The following NPAS3 variants were observed in gnomAD, a reference collection of about 807,000 sequenced individuals.
The protein encoded by NPAS3 is neuronal PAS domain-containing protein 3.
A neutral mutation model predicts 73.1 loss-of-function variants in NPAS3; 14 were observed. That is an observed-to-expected ratio of 0.19 (90% CI 0.13 to 0.30). NPAS3 has a LOEUF of 0.30. NPAS3 is among the 10% of genes least tolerant of loss of function. The pLI is 1.00. For synonymous variants in NPAS3, 620 were observed against 541.5 expected, an observed-to-expected ratio of 1.14 and a Z score of -2.01; for missense variants, 1,096 against 1,250.0, an observed-to-expected ratio of 0.88 and a Z score of 1.86.
At chr14:33,511,202 T>C (rs1251302070) in intron 4 of NPAS3, among the ~76,000 whole-genome samples, 1 of 152,084 alleles carries the variant, frequency 6.6e-6, no homozygotes, top group Non-Finnish European at 1.5e-5. Flanking sequence ...AGTTGTGAAT[T>C]CAACAGACTT....
intron 2 of NPAS3, among the ~76,000 whole-genome samples, chr14:33,086,752 C>T (rs935720614): frequency 1.3e-5 from 2 of 152,160 alleles, no homozygotes; most frequent in Non-Finnish European, 2.9e-5. Context: ...CTCATCTCTT[C>T]TCCTATCCTA....
At chr14:33,773,891 C>A (rs1309716748) in intron 7 of NPAS3, among the ~76,000 whole-genome samples, 1 of 152,192 alleles carries the variant, frequency 6.6e-6, no homozygotes, top group African/African-American at 2.4e-5. Context: ...ACAATATCAA[C>A]CCCTGAACGA....
chr14:32,951,981 CACTT>C lies in NPAS3; in HGVS notation c.50+12617_50+12620del, dbSNP rs752297647. ...TTAATGACTTTTAAAATAGAGGTAT[CACTT>C]ATTTATGGTTTCTGGAAAATTCCCA... On this transcript the variant is annotated intron_variant, in intron 1 of 11. Coordinates refer to ENST00000356141, the Ensembl canonical transcript of NPAS3. 5.9e-5 allele frequency among the ~76,000 whole-genome samples: 9 copies of C among 152,016 alleles called. 1 individual carries two copies. The highest frequency in any genetic ancestry group is 4.6e-4 in the Admixed American group (7 of 15,268).
intron 3 of NPAS3, among the ~76,000 whole-genome samples, chr14:33,287,171 G>T (rs968825514): frequency 6.6e-6 from 1 of 152,158 alleles, no homozygotes; most frequent in African/African-American, 2.4e-5. Context: ...AGTGGTTTTG[G>T]AATAACCATA....
At chr14:33,574,164 C>T (rs1007570860) in intron 5 of NPAS3, among the ~76,000 whole-genome samples, 3 of 152,066 alleles carry the variant, frequency 2.0e-5, no homozygotes, top group Non-Finnish European at 4.4e-5. Context: ...CCAAGAACAA[C>T]CTGCAGTTTC....
At chr14:33,686,526 C>T (rs758973583) in intron 6 of NPAS3, among the ~76,000 whole-genome samples, 2 of 152,212 alleles carry the variant, frequency 1.3e-5, no homozygotes, top group African/African-American at 4.8e-5. Flanking sequence ...TCATTGACTA[C>T]TCACCACGTG....
intron 4 of NPAS3, among the ~76,000 whole-genome samples, chr14:33,446,080 G>T (rs12891017): frequency 0.073 from 11,030 of 151,330 alleles, 416 homozygotes; most frequent in African/African-American, 0.096. Context: ...TTCCGTTTGA[G>T]TCAACATCAA....
intron 6 of NPAS3, among the ~76,000 whole-genome samples, chr14:33,723,228 A>G (rs2061166086): frequency 6.6e-6 from 1 of 152,130 alleles, no homozygotes; most frequent in Admixed American, 6.5e-5. Context: ...TCTTGGGCCA[A>G]TCTTCTAAAC....
chr14:33,569,516 C>T (rs2056111569), intron 5 of NPAS3, among the ~76,000 whole-genome samples: 1 of 151,954 alleles, frequency 6.6e-6, no homozygotes, highest in Admixed American at 6.6e-5. Flanking sequence ...GAGAAGCAAG[C>T]TTTATATTAA....
At chr14:33,025,003 A>T (rs1194855029) in intron 1 of NPAS3, among the ~76,000 whole-genome samples, 2 of 152,240 alleles carry the variant, frequency 1.3e-5, no homozygotes, top group East Asian at 1.9e-4. Flanking sequence ...ATATTTGTGC[A>T]TATCTAAATT....
intron 1 of NPAS3, among the ~76,000 whole-genome samples, chr14:32,989,688 A>C (rs893784499): frequency 3.3e-5 from 5 of 151,212 alleles, no homozygotes; most frequent in East Asian, 3.9e-4. Flanking sequence ...AACAAAAAAA[A>C]CCTTGTATTC....
intron 4 of NPAS3, among the ~76,000 whole-genome samples, chr14:33,548,703 T>C (rs2054965051): frequency 6.6e-6 from 1 of 152,200 alleles, no homozygotes; most frequent in Admixed American, 6.5e-5. Context: ...CTATTCCAAA[T>C]AGCCCAATTC....
At chr14:33,627,086 A>G (rs917527416) in intron 5 of NPAS3, among the ~76,000 whole-genome samples, 1 of 152,082 alleles carries the variant, frequency 6.6e-6, no homozygotes, top group African/African-American at 2.4e-5. Flanking sequence ...ATTTTTATTC[A>G]GAGGGGATGG....
chr14:33,537,137 C>A (rs757211743), intron 4 of NPAS3, among the ~76,000 whole-genome samples: 21 of 152,124 alleles, frequency 1.4e-4, no homozygotes, highest in South Asian at 4.1e-4. Context: ...TCCATGTAGA[C>A]AATGTTCCTG....
intron 3 of NPAS3, among the ~76,000 whole-genome samples, chr14:33,287,290 T>A (rs1317980803): frequency 6.6e-6 from 1 of 152,188 alleles, no homozygotes; most frequent in African/African-American, 2.4e-5. Flanking sequence ...GCACTAAGAA[T>A]TTTTTAATGG....
At chr14:33,298,096 A>G (rs2042377150) in intron 3 of NPAS3, among the ~76,000 whole-genome samples, 1 of 152,178 alleles carries the variant, frequency 6.6e-6, no homozygotes. Flanking sequence ...AGCCTGGCCA[A>G]CATGGTGAAA....
chr14:33,328,247 G>A lies in NPAS3; in HGVS notation c.386-38939G>A, dbSNP rs539514727. On this transcript the variant is annotated intron_variant, in intron 3 of 11. Transcript: ENST00000356141. ...CCGAGCATGGTTCCTCTCAGGTATAGAGCTTCTTTTGTGGCTGTGGTTATT... is the reference window on the plus strand; with the variant it reads ...CCGAGCATGGTTCCTCTCAGGTATAAAGCTTCTTTTGTGGCTGTGGTTATT... Among the ~76,000 whole-genome samples the A allele has an allele frequency of 2.7e-4, 41 of 151,986 alleles. 1 individual carries two copies. The East Asian group carries it at 7.6e-3, about 28-fold the overall frequency.
intron 2 of NPAS3, among the ~76,000 whole-genome samples, chr14:33,092,607 G>A (rs2042266197): frequency 6.6e-6 from 1 of 152,108 alleles, no homozygotes; most frequent in African/African-American, 2.4e-5. Flanking sequence ...TCACAGAATT[G>A]GAAAAAACTA....
At chr14:33,157,606 A>G (rs1317642804) in intron 2 of NPAS3, among the ~76,000 whole-genome samples, 5 of 152,242 alleles carry the variant, frequency 3.3e-5, no homozygotes, top group African/African-American at 9.6e-5. Context: ...AAGAGAAAAA[A>G]AATTAGAGCT....
Sources: allele counts gnomAD v4.1 joint callset (sites outside exome capture counted in the v4.1 genomes callset), GRCh38; gene constraint gnomAD v4.1.1; transcripts MANE v1.5; gene names NCBI Gene and HGNC (gene_info 2026-07-23, HGNC 2026-07-21).